Variants in TRPM7 observed in about 807,000 individuals in gnomAD.
TRPM7 encodes the protein transient receptor potential cation channel subfamily M member 7.
In TRPM7, 134 loss-of-function variants were observed where a neutral mutation model predicts 229.7. That is an observed-to-expected ratio of 0.58 (90% CI 0.51 to 0.67). The LOEUF is 0.67. Ranked by LOEUF, TRPM7 falls within the 30% of genes least tolerant of loss-of-function variation. TRPM7 has a pLI of 0.00. For synonymous variants in TRPM7, 699 were observed against 715.2 expected (o/e 0.98, Z 0.36); for missense variants, 1,901 against 2,210.0 (o/e 0.86, Z 2.80).
At chr15:50,643,990 G>T (rs2140788773) in intron 4 of TRPM7, among the ~76,000 whole-genome samples, 1 of 152,274 alleles carries the variant, frequency 6.6e-6, no homozygotes, top group African/African-American at 2.4e-5. Context: ...TATGAAGAGA[G>T]GCAAATACTG....
intron 14 of TRPM7, 39 bp from the exon 15 acceptor site, chr15:50,613,880 G>A (rs771685592): frequency 1.6e-5 from 25 of 1,587,212 alleles, no homozygotes; most frequent in East Asian, 2.2e-5. Flanking sequence ...AGATTTAAAC[G>A]TGCTGACATG....
intron 1 of TRPM7, among the ~76,000 whole-genome samples, chr15:50,671,310 T>C (rs954940529): frequency 1.3e-5 from 2 of 152,174 alleles, no homozygotes; most frequent in African/African-American, 4.8e-5. Context: ...CCATGTAGTA[T>C]CTTGTCTTTC....
At chr15:50,615,232 T>C (rs115022873) in intron 13 of TRPM7, among the ~76,000 whole-genome samples, 155 of 151,422 alleles carry the variant, frequency 1.0e-3, no homozygotes, top group African/African-American at 3.4e-3. Flanking sequence ...TCCATTTTCA[T>C]TGTGATACAT....
At chr15:50,607,418 C>T (rs1290030706) in intron 19 of TRPM7, 90 bp from the exon 20 acceptor site, 6 of 1,137,290 alleles carry the variant, frequency 5.3e-6, no homozygotes, top group African/African-American at 3.2e-5. Context: ...CAAAAACAGA[C>T]ATTAAATGAA....
intron 10 of TRPM7, among the ~76,000 whole-genome samples, chr15:50,631,021 T>C (rs1478812709): frequency 6.6e-6 from 1 of 152,064 alleles, no homozygotes; most frequent in African/African-American, 2.4e-5. Context: ...TTTGTAGAGA[T>C]GGGTCTATCT....
intron 38 of TRPM7, among the ~76,000 whole-genome samples, chr15:50,563,141 T>C (rs918122560): frequency 1.3e-5 from 2 of 152,238 alleles, no homozygotes; most frequent in African/African-American, 4.8e-5. Context: ...GTCTGTTGCC[T>C]GTTTTTGTAA....
intron 14 of TRPM7, 101 bp downstream of exon 14, chr15:50,614,022 G>T: frequency 7.3e-7 from 1 of 1,362,600 alleles, no homozygotes; most frequent in South Asian, 1.4e-5. Flanking sequence ...TCAACTTTAT[G>T]ACAGTGTAAC....
intron 17 of TRPM7, among the ~76,000 whole-genome samples, chr15:50,610,367 G>A (rs1297148880): frequency 6.6e-6 from 1 of 152,048 alleles, no homozygotes; most frequent in Admixed American, 6.6e-5. Context: ...ATGTCATAAT[G>A]TGATTACTCA....
intron 1 of TRPM7, among the ~76,000 whole-genome samples, chr15:50,673,176 A>T (rs2062027276): frequency 6.6e-6 from 1 of 151,798 alleles, no homozygotes; most frequent in African/African-American, 2.4e-5. Context: ...TTCACTCACC[A>T]CTCACTCACT....
chr15:50,644,273 G>A (rs867982741), intron 4 of TRPM7, among the ~76,000 whole-genome samples: 1 of 152,124 alleles, frequency 6.6e-6, no homozygotes, highest in Non-Finnish European at 1.5e-5. Flanking sequence ...TGGTTTGAAA[G>A]ATTTTAAAAA....
chr15:50,566,940 A>C (rs934672837), intron 38 of TRPM7, among the ~76,000 whole-genome samples: 1 of 152,110 alleles, frequency 6.6e-6, no homozygotes, highest in African/African-American at 2.4e-5. Flanking sequence ...GCACAGACCA[A>C]ACTGCCATAA....
At chr15:50,648,593 T>TGAGACC in intron 4 of TRPM7, 94 bp downstream of exon 4, 2 of 1,154,686 alleles carry the variant, frequency 1.7e-6, no homozygotes, top group Non-Finnish European at 2.4e-6. Flanking sequence ...AATAAATTAC[T>TGAGACC]GAGACCAACT....
rs1158958938 is a variant in TRPM7, at chr15:50,592,153, G to A, written c.4082C>T (p.Ser1361Phe). ...SSGALFPSAV[S>F]PPELRQRLHG... ...TAGTCTCTGTCGCAGTTCTGGAGGG[G>A]AAACAGCACTTGGGAATAAGGCACC... Residue 1361 changes from serine to phenylalanine, a missense_variant, in exon 26 of 39, where the codon TCC becomes TTC. Transcript: ENST00000646667. The A allele has an allele frequency of 6.2e-7, 1 of 1,613,846 alleles. No individual in the cohort carries two copies. Among genetic ancestry groups the A allele is most frequent in the South Asian group, 1.1e-5 (1 of 91,034 alleles).
chr15:50,627,945 T>C (rs918480683), intron 11 of TRPM7, among the ~76,000 whole-genome samples: 3 of 152,208 alleles, frequency 2.0e-5, no homozygotes, highest in African/African-American at 2.4e-5. Context: ...TAGAGATCTA[T>C]ATACTCTACA....
At chr15:50,582,877 CT>C (rs778774705) in intron 29 of TRPM7, 1 of 321,990 alleles carries the variant, frequency 3.1e-6, no homozygotes, top group Non-Finnish European at 5.7e-6. Context: ...AAAGAGATTC[CT>C]GCCTTTATTC....
intron 19 of TRPM7, 23 bp from the exon 20 acceptor site, chr15:50,607,351 A>T: frequency 6.6e-7 from 1 of 1,507,618 alleles, no homozygotes. Context: ...TAAAGGTTAC[A>T]TAAATAACAT....
intron 19 of TRPM7, 90 bp downstream of exon 19, chr15:50,609,491 G>A (rs2060006352): frequency 1.6e-6 from 2 of 1,257,712 alleles, no homozygotes; most frequent in Non-Finnish European, 2.2e-6. Context: ...AGTGATCTAA[G>A]TTATATCAAC....
intron 2 of TRPM7, among the ~76,000 whole-genome samples, chr15:50,660,807 TA>T (rs1302040681): frequency 6.6e-6 from 1 of 152,174 alleles, no homozygotes; most frequent in African/African-American, 2.4e-5. Context: ...TGGCATTACA[TA>T]ACCTAAGGGG....
At chr15:50,589,226 G>C (rs908201555) in intron 27 of TRPM7, among the ~76,000 whole-genome samples, 1 of 149,650 alleles carries the variant, frequency 6.7e-6, no homozygotes. Flanking sequence ...AGAGGCTGAG[G>C]CAGGAGAATC....
Sources: gnomAD v4.1 joint callset for allele counts (sites outside exome capture counted in the v4.1 genomes callset) on GRCh38, gnomAD v4.1.1 for gene constraint, MANE v1.5 for transcripts, NCBI Gene and HGNC (gene_info 2026-07-23, HGNC 2026-07-21) for gene names.